Variants in LRRC8D observed in about 807,000 individuals in gnomAD.
The protein encoded by LRRC8D is leucine rich repeat containing 8 VRAC subunit D.
Under a neutral mutation model 55.8 loss-of-function variants are expected in LRRC8D, and 20 were observed. That is an observed-to-expected ratio of 0.36 (90% CI 0.25 to 0.52). The LOEUF (loss-of-function observed/expected upper bound fraction) is 0.52. LRRC8D is among the 20% of genes least tolerant of loss of function. LRRC8D has a pLI of 0.93. For missense variants in LRRC8D, 651 were observed against 1,030.8 expected, an observed-to-expected ratio of 0.63 and a Z score of 5.05; for synonymous variants, 352 against 377.0, an observed-to-expected ratio of 0.93 and a Z score of 0.77.
At chr1:89,912,862 T>G (rs1224625389) in intron 2 of LRRC8D, among the ~76,000 whole-genome samples, 2 of 152,232 alleles carry the variant, frequency 1.3e-5, no homozygotes, top group African/African-American at 4.8e-5. Context: ...TCTGTCCAAA[T>G]CTATTTCTAG....
intron 2 of LRRC8D, among the ~76,000 whole-genome samples, chr1:89,897,800 C>A (rs1045337932): frequency 2.0e-5 from 3 of 152,154 alleles, no homozygotes; most frequent in African/African-American, 7.2e-5. Flanking sequence ...TCTGCCTTAG[C>A]CAAATCTCAT....
At chr1:89,898,740 C>T (rs906818395) in intron 2 of LRRC8D, among the ~76,000 whole-genome samples, 1 of 152,334 alleles carries the variant, frequency 6.6e-6, no homozygotes, top group South Asian at 2.1e-4. Flanking sequence ...ATTTAATTTA[C>T]ATACTGTAAT....
At chr1:89,882,341 G>C (rs1272701580) in intron 2 of LRRC8D, among the ~76,000 whole-genome samples, 2 of 152,226 alleles carry the variant, frequency 1.3e-5, no homozygotes, top group Non-Finnish European at 2.9e-5. Flanking sequence ...TGTTTCATTA[G>C]CTTTGCTGTT....
At chr1:89,915,552 A>G (rs1663245895) in intron 2 of LRRC8D, among the ~76,000 whole-genome samples, 1 of 152,224 alleles carries the variant, frequency 6.6e-6, no homozygotes, top group African/African-American at 2.4e-5. Context: ...TGGAATTCCC[A>G]GTGGATGTGC....
At chr1:89,825,335 GT>G (rs1413488566) in intron 1 of LRRC8D, among the ~76,000 whole-genome samples, 1 of 152,218 alleles carries the variant, frequency 6.6e-6, no homozygotes, top group East Asian at 1.9e-4. Context: ...CTCTTGAAAT[GT>G]TTGCACCTGG....
At chr1:89,873,867 A>G (rs915959918) in intron 2 of LRRC8D, among the ~76,000 whole-genome samples, 18 of 152,134 alleles carry the variant, frequency 1.2e-4, no homozygotes, top group African/African-American at 4.3e-4. Flanking sequence ...AATCTTTTCT[A>G]TGGGCAGTGT....
chr1:89,851,676 A>AT (rs985128917), intron 2 of LRRC8D, among the ~76,000 whole-genome samples: 7 of 151,880 alleles, frequency 4.6e-5, no homozygotes, highest in Admixed American at 3.9e-4. Flanking sequence ...CATCTGGCTA[A>AT]TTTTTTGTAT....
intron 2 of LRRC8D, among the ~76,000 whole-genome samples, chr1:89,878,925 C>A (rs183782299): frequency 3.2e-4 from 49 of 150,994 alleles, no homozygotes; most frequent in African/African-American, 1.1e-3. Context: ...TGAGGTCGCA[C>A]CACTGCACTC....
chr1:89,821,655 C>G (rs1036276891), intron 1 of LRRC8D, among the ~76,000 whole-genome samples: 5 of 152,144 alleles, frequency 3.3e-5, no homozygotes, highest in Non-Finnish European at 7.4e-5. Context: ...GCGGGGAGAG[C>G]CGGTTTCGGC....
intron 2 of LRRC8D, among the ~76,000 whole-genome samples, chr1:89,919,852 A>G (rs1232362564): frequency 5.9e-5 from 9 of 152,224 alleles, no homozygotes; most frequent in Non-Finnish European, 1.3e-4. Flanking sequence ...CCAGAACCCT[A>G]TAGCAAAAAC....
At chr1:89,893,796 GA>G (rs1662636289) in intron 2 of LRRC8D, among the ~76,000 whole-genome samples, 1 of 152,156 alleles carries the variant, frequency 6.6e-6, no homozygotes, top group Non-Finnish European at 1.5e-5. Flanking sequence ...GAGCATAGTG[GA>G]AACTAAAGAG....
At chr1:89,923,047 G>GA (rs148716352) in intron 2 of LRRC8D, among the ~76,000 whole-genome samples, 4,120 of 152,140 alleles carry the variant, frequency 0.027, 177 homozygotes, top group African/African-American at 0.085. Flanking sequence ...ATTCTAAAAG[G>GA]GTTATATTCA....
intron 1 of LRRC8D, 29 bp from the exon 2 acceptor site, chr1:89,843,609 C>A: frequency 1.4e-6 from 1 of 700,936 alleles, no homozygotes; most frequent in Admixed American, 2.0e-5. Context: ...ATCTCTCTAG[C>A]TCTTTCTCTC....
chr1:89,859,256 CTCTT>C (rs1224159853), intron 2 of LRRC8D, among the ~76,000 whole-genome samples: 2 of 150,770 alleles, frequency 1.3e-5, no homozygotes, highest in Admixed American at 6.6e-5. Context: ...GGTAATTTGA[CTCTT>C]TTTTTTTTTT....
At chr1:89,913,427 A>G (rs1033137964) in intron 2 of LRRC8D, among the ~76,000 whole-genome samples, 3 of 152,380 alleles carry the variant, frequency 2.0e-5, no homozygotes, top group African/African-American at 4.8e-5. Flanking sequence ...GGCCTACCCT[A>G]TAAGCTTCAG....
intron 2 of LRRC8D, among the ~76,000 whole-genome samples, chr1:89,849,690 G>A (rs1202927625): frequency 1.3e-5 from 2 of 151,918 alleles, no homozygotes; most frequent in African/African-American, 2.4e-5. Flanking sequence ...TCTTTAGCCT[G>A]CCCTTTATTT....
chr1:89,933,292 T>A lies in LRRC8D; in HGVS notation c.224T>A (p.Val75Asp). The change falls in exon 3 of 3, where the codon GTC (valine) becomes GAC (aspartate). Residue 75 changes from valine (V) to aspartate (D), a missense_variant. Around this residue, in one of 5 missense-constraint regions of LRRC8D, gnomAD observed 118 missense variants for 138.0 expected, o/e 0.85. Transcript: ENST00000337338. The surrounding 1 kb of genome is among the most constrained non-coding windows in gnomAD (Gnocchi z 7.0). Reference sequence around the variant, plus strand: ...CATACACCACCAGGAAATGCCGAGGTCACCACCAACATCCCAAAGATGGAA... The same window carrying A: ...CATACACCACCAGGAAATGCCGAGGACACCACCAACATCCCAAAGATGGAA... ...KAHTPPGNAEVTTNIPKMEAA... is the reference protein window; with the variant it reads ...KAHTPPGNAEDTTNIPKMEAA... 3.7e-6 allele frequency: 6 copies of A among 1,613,958 alleles called. No homozygotes were observed. The highest frequency in any genetic ancestry group is 5.1e-6 in the Non-Finnish European group (6 of 1,179,978).
rs2101008883 is a variant in LRRC8D, at chr1:89,936,142, T to G, written c.*497T>G. On this transcript the variant is annotated 3_prime_UTR_variant, in exon 3 of 3. Transcript: ENST00000337338. Reference sequence around the variant, plus strand: ...ATACTGATTTATTTCCTGTTTTAATTTAAAGTGCCTCAAGTAAGCACCTCT... The same window carrying G: ...ATACTGATTTATTTCCTGTTTTAATGTAAAGTGCCTCAAGTAAGCACCTCT... 5.9e-6 allele frequency: 1 copy of G among 170,318 alleles called. No homozygotes were observed. The highest frequency in any genetic ancestry group is 3.4e-3 in the Middle Eastern group (1 of 298). 10.6% of individuals were successfully genotyped at this position (170,318 alleles called of 1,614,324 possible).
chr1:89,874,838 C>T (rs1012777172), intron 2 of LRRC8D, among the ~76,000 whole-genome samples: 4 of 152,112 alleles, frequency 2.6e-5, no homozygotes, highest in African/African-American at 7.2e-5. Context: ...GAAGAAGAGG[C>T]TGGCTGAATT....
Sources: allele counts gnomAD v4.1 joint callset (sites outside exome capture counted in the v4.1 genomes callset), GRCh38; gene constraint gnomAD v4.1.1; regional missense constraint gnomAD v4.1.1; non-coding constraint Gnocchi (gnomAD v3.1); transcripts MANE v1.5; gene names NCBI Gene and HGNC (gene_info 2026-07-23, HGNC 2026-07-21).